ZNF790: variants seen among roughly 807,000 people sequenced by gnomAD.
ZNF790 encodes the protein zinc finger protein 790.
ZNF790 carries 8 observed loss-of-function variants against 12.1 expected under a neutral mutation model. That is an observed-to-expected ratio of 0.66 (90% CI 0.39 to 1.19). The LOEUF (loss-of-function observed/expected upper bound fraction) is 1.19. Among genes scored for constraint, ZNF790 ranks in the 50% most tolerant of loss-of-function variants. The pLI, the probability that ZNF790 is intolerant of heterozygous loss-of-function variation, is 0.01. For missense variants in ZNF790, 707 were observed against 752.2 expected (o/e 0.94, Z 0.70); for synonymous variants, 252 against 244.3 (o/e 1.03, Z -0.29).
At chr19:36,823,001 C>T (rs930912621) in intron 4 of ZNF790, among the ~76,000 whole-genome samples, 1 of 152,018 alleles carries the variant, frequency 6.6e-6, no homozygotes, top group Non-Finnish European at 1.5e-5. Flanking sequence ...AGCTGCACGC[C>T]GACATGCCTG....
At chr19:36,827,333 C>T (rs1413362392) in intron 1 of ZNF790, among the ~76,000 whole-genome samples, 1 of 151,494 alleles carries the variant, frequency 6.6e-6, no homozygotes, top group African/African-American at 2.4e-5. Context: ...CGTGCACAGG[C>T]GAGGAGAGGT....
chr19:36,819,263 T>C lies in ZNF790; in HGVS notation c.1081A>G (p.Thr361Ala). 1 of 1,613,408 alleles carries C rather than the reference T, an allele frequency of 6.2e-7. No individual in the cohort carries two copies. Reference protein sequence around the residue: ...SHLTQHQRIHTGEKSHECKEC... With the variant: ...SHLTQHQRIHAGEKSHECKEC... ...TTACACTCATGAGATTTCTCACCAG[T>C]ATGAATTCTCTGATGCTGAGTTAGG... The change falls in exon 5 of 5, where the codon ACT becomes GCT. Residue 361 changes from threonine (T) to alanine (A), a missense_variant. Thr to Ala is a moderately conservative substitution (Grantham distance 58, BLOSUM62 0). Transcript: ENST00000356725.
Position 36,819,716 on chromosome 19 carries a change from C to T in ZNF790, c.628G>A (p.Asp210Asn), listed in dbSNP as rs1289890860. 1 of 1,613,582 alleles carries T rather than the reference C, an allele frequency of 6.2e-7. No homozygotes were observed. Among genetic ancestry groups the T allele is most frequent in the Admixed American group, 1.7e-5 (1 of 59,942 alleles). The change falls in exon 5 of 5, where the codon GAT becomes AAT. Residue 210 changes from aspartate (D) to asparagine (N), a missense_variant. Physicochemically the swap from Asp to Asn is conservative, Grantham distance 23 (BLOSUM62 1). Coordinates refer to ENST00000356725, the MANE Select transcript of ZNF790 (RefSeq NM_206894.4). ...GTCTGATATTGAATAACTTCTGAAT[C>T]AGGAAGAAAGGTATTCCCACATTCT... ...DKECGNTFLPDSEVIQYQTVH... is the reference protein window; with the variant it reads ...DKECGNTFLPNSEVIQYQTVH...
At position 36,825,686 on chromosome 19, in the gene ZNF790, A is replaced by G; in HGVS notation, c.-67T>C. 2 of 1,556,918 alleles carry G rather than the reference A, an allele frequency of 1.3e-6. No individual in the cohort carries two copies. Among genetic ancestry groups the G allele is most frequent in the Non-Finnish European group, 1.8e-6 (2 of 1,127,830 alleles). On this transcript the variant is annotated 5_prime_UTR_variant, in exon 2 of 5. Transcript: ENST00000356725. The stretch of plus-strand genomic sequence containing the variant: ...TCTTGGTGAGGCAGCGTGCTGGGAA[A>G]GCAGAGCTAGAAGGAAAGAATCACA...
intron 1 of ZNF790, among the ~76,000 whole-genome samples, chr19:36,846,795 A>G (rs1043963025): frequency 6.6e-6 from 1 of 152,098 alleles, no homozygotes; most frequent in Non-Finnish European, 1.5e-5. Context: ...ATATTTTCTT[A>G]TTTTCTGTAT....
intron 1 of ZNF790, among the ~76,000 whole-genome samples, chr19:36,847,763 A>AG (rs1484176264): frequency 6.6e-6 from 1 of 151,764 alleles, no homozygotes; most frequent in Non-Finnish European, 1.5e-5. Flanking sequence ...AAAAAAAAAA[A>AG]GAAGTGGAGC....
At chr19:36,830,605 C>T (rs1168304114) in intron 1 of ZNF790, among the ~76,000 whole-genome samples, 1 of 152,110 alleles carries the variant, frequency 6.6e-6, no homozygotes, top group East Asian at 1.9e-4. Context: ...TAGGAGTCCT[C>T]CTGAACCAGT....
In ZNF790 at chr19:36,819,367, A is replaced by G. The variant is rs753822968; in HGVS notation, c.977T>C (p.Ile326Thr). Residue 326 changes from isoleucine (I) to threonine (T), a missense_variant, in exon 5 of 5, where the codon ATT (isoleucine) becomes ACT (threonine). Physicochemically the swap from Ile to Thr is moderately conservative, Grantham distance 89 (BLOSUM62 -1). Transcript: ENST00000356725. ...RKAFSQRSHL[I>T]KHQRIHTGEK... Reference sequence around the variant, plus strand: ...ACCAGTGTGAATTCTCTGATGTTTAATAAGATGTGATCGCTGACTAAAGGC... The same window carrying G: ...ACCAGTGTGAATTCTCTGATGTTTAGTAAGATGTGATCGCTGACTAAAGGC... The G allele has an allele frequency of 3.7e-6, 6 of 1,613,106 alleles. No homozygotes were observed. The highest frequency in any genetic ancestry group is 1.1e-5 in the South Asian group (1 of 91,030).
chr19:36,842,022 T>C (rs1299081513), upstream of ZNF790, among the ~76,000 whole-genome samples: 1 of 152,098 alleles, frequency 6.6e-6, no homozygotes, highest in Non-Finnish European at 1.5e-5. Context: ...CCTATAAAAC[T>C]TTTTTAGGAA....
In ZNF790 at chr19:36,838,015, G is replaced by A. The variant is rs909263050; in HGVS notation, c.-74+322C>T. ...CTTTACGAACGTGGTCACGCACAAC[G>A]CGACGCAGTCATAATCACGTACATA... On this transcript the variant is annotated intron_variant, in intron 1 of 4. Transcript: ENST00000356725. This position sits in a 1 kb window ranked among gnomAD's most constrained non-coding sequence, Gnocchi z 4.4. The A allele has an allele frequency of 1.3e-5, 2 of 152,306 alleles. No homozygotes were observed. Among genetic ancestry groups the A allele is most frequent in the Non-Finnish European group, 2.9e-5 (2 of 68,062 alleles). 9.4% of individuals were successfully genotyped at this position (152,306 alleles called of 1,614,324 possible).
At chr19:36,821,829 C>T (rs2071679591) in intron 4 of ZNF790, among the ~76,000 whole-genome samples, 2 of 152,060 alleles carry the variant, frequency 1.3e-5, no homozygotes, top group African/African-American at 4.8e-5. Context: ...GGTGATGATT[C>T]ACCCGCCTCG....
intron 1 of ZNF790, chr19:36,837,792 A>G (rs948066924): frequency 3.3e-5 from 5 of 151,902 alleles, no homozygotes; most frequent in Admixed American, 2.6e-4. Context: ...TCTCTGCTCT[A>G]ATTTACGGAG....
intron 1 of ZNF790, among the ~76,000 whole-genome samples, chr19:36,845,998 G>A (rs372349732): frequency 6.6e-6 from 1 of 151,996 alleles, no homozygotes. Flanking sequence ...TATCAGAGAC[G>A]GCGTTTCACC....
chr19:36,823,683 G>T lies in ZNF790; in HGVS notation c.117C>A (p.Ser39Arg). ...LYRDVMLENY[S>R]NMVSLGFCIY... ...GAATCTTACCCAGTGAGACCATGTT[G>T]CTGTAGTTCTCCAACATCACATCTC... The change falls in exon 3 of 5, where the codon AGC (serine) becomes AGA (arginine). Residue 39 changes from serine to arginine, a missense_variant. Ser to Arg is a moderately radical substitution (Grantham distance 110, BLOSUM62 -1). Coordinates refer to ENST00000356725, the MANE Select transcript of ZNF790 (RefSeq NM_206894.4). The T allele has an allele frequency of 6.2e-7, 1 of 1,609,762 alleles. No individual in the cohort carries two copies. The highest frequency in any genetic ancestry group is 1.7e-5 in the Admixed American group (1 of 58,520).
rs534462855 is a variant in ZNF790 at position 36,848,979 on chromosome 19, G to C, written c.-74+1023C>G. ...CAGCTAATTTTGTATTTTTAGTAGA[G>C]ACGGGGTTTCACCATATTGGCCAGG... On this transcript the variant is annotated intron_variant, in intron 1 of 4. Coordinates refer to the ZNF790 transcript ENST00000528994. 5.9e-5 allele frequency among the ~76,000 whole-genome samples: 9 copies of C among 152,302 alleles called. No homozygotes were observed. The South Asian group carries it at 1.9e-3, about 32-fold the overall frequency.
Position 36,822,998 on chromosome 19 carries a change from C to T in ZNF790, c.229+287G>A, listed in dbSNP as rs549618292. 6.6e-5 allele frequency among the ~76,000 whole-genome samples: 10 copies of T among 152,182 alleles called. No individual in the cohort carries two copies. The South Asian group carries it at 1.0e-3, about 16-fold the overall frequency. On this transcript the variant is annotated intron_variant, in intron 4 of 4. Coordinates refer to ENST00000356725, the MANE Select transcript of ZNF790 (RefSeq NM_206894.4). ...CCGAGTAGGTGGGACTACAGCTGCA[C>T]GCCGACATGCCTGGCTAATTTTTTG...
At chr19:36,822,987 C>T (rs1239059896) in intron 4 of ZNF790, among the ~76,000 whole-genome samples, 1 of 152,132 alleles carries the variant, frequency 6.6e-6, no homozygotes. Context: ...GTAGGTGGGA[C>T]TACAGCTGCA....
At chr19:36,824,265 G>T (rs1419877473) in intron 2 of ZNF790, among the ~76,000 whole-genome samples, 2 of 151,108 alleles carry the variant, frequency 1.3e-5, no homozygotes, top group African/African-American at 4.9e-5. Context: ...CCAAAGTGCT[G>T]GGATTACAGG....
chr19:36,842,099 C>T (rs1423651769), upstream of ZNF790, among the ~76,000 whole-genome samples: 1 of 152,120 alleles, frequency 6.6e-6, no homozygotes, highest in African/African-American at 2.4e-5. Flanking sequence ...AACAAAAGCA[C>T]AATCCATAAA....
Sources: gnomAD v4.1 joint callset for allele counts (sites outside exome capture counted in the v4.1 genomes callset) on GRCh38, gnomAD v4.1.1 for gene constraint, Gnocchi (gnomAD v3.1) non-coding constraint, MANE v1.5 for transcripts, NCBI Gene and HGNC (gene_info 2026-07-23, HGNC 2026-07-21) for gene names.